The following PRSS3 variants were observed in gnomAD, a reference collection of about 807,000 sequenced individuals.
PRSS3 encodes the protein trypsin-3.
Under a neutral mutation model 20.8 loss-of-function variants are expected in PRSS3, and 14 were observed. The ratio of observed to expected loss-of-function variants is 0.67; its 90% confidence interval spans 0.44 to 1.05. The LOEUF is 1.05. Ranked by LOEUF, PRSS3 falls within the 50% of genes least tolerant of loss-of-function variation. PRSS3 has a pLI of 0.00. For synonymous variants in PRSS3, 91 were observed against 117.6 expected (o/e 0.77, Z 1.46); for missense variants, 237 against 306.4 (o/e 0.77, Z 1.69).
chr9:33,768,356 T>G (rs1823536900), intron 1 of PRSS3, among the ~76,000 whole-genome samples: 1 of 151,508 alleles, frequency 6.6e-6, no homozygotes, highest in Admixed American at 6.6e-5. Flanking sequence ...GGCATGTGCC[T>G]GTAATCCCAG....
chr9:33,767,893 C>T lies in PRSS3; in HGVS notation c.-53+17166C>T, dbSNP rs185039203. Among the ~76,000 whole-genome samples the T allele has an allele frequency of 4.8e-3, 737 of 152,254 alleles. 5 individuals are homozygous for T. The highest frequency in any genetic ancestry group is 6.2e-3 in the Non-Finnish European group (423 of 68,030). On this transcript the variant is annotated intron_variant, in intron 1 of 5. Coordinates refer to the PRSS3 transcript ENST00000342836. ...ACCATCTGAAGACACAGGGTGAAAG[C>T]GGTCATCTGCAAGCCCAGGAGAGAG...
intron 1 of PRSS3, among the ~76,000 whole-genome samples, chr9:33,772,133 A>G (rs563937643): frequency 1.3e-5 from 2 of 151,930 alleles, no homozygotes; most frequent in African/African-American, 4.8e-5. Flanking sequence ...CAGCCTCCCA[A>G]TGTGCTGGGA....
chr9:33,770,696 G>A (rs1823646554), intron 1 of PRSS3, among the ~76,000 whole-genome samples: 2 of 152,222 alleles, frequency 1.3e-5, no homozygotes, highest in South Asian at 4.1e-4. Flanking sequence ...ACAAGAGGAT[G>A]ACTATGTGAG....
At chr9:33,753,329 A>C (rs1563954303) in intron 1 of PRSS3, among the ~76,000 whole-genome samples, 1 of 152,230 alleles carries the variant, frequency 6.6e-6, no homozygotes, top group Non-Finnish European at 1.5e-5. Context: ...TGTCAAGTCC[A>C]ATCTTGTGGT....
chr9:33,794,715 G>T, upstream of PRSS3: 1 of 1,530,088 alleles, frequency 6.5e-7, no homozygotes, highest in Non-Finnish European at 8.8e-7. Flanking sequence ...GCCCTGAGCA[G>T]GTGAGTCAGT....
chr9:33,755,726 T>C (rs1822910725), intron 1 of PRSS3, among the ~76,000 whole-genome samples: 1 of 152,194 alleles, frequency 6.6e-6, no homozygotes, highest in African/African-American at 2.4e-5. Context: ...TAGTTGTTTG[T>C]TTGAGAACTC....
intron 1 of PRSS3, among the ~76,000 whole-genome samples, chr9:33,766,162 G>A (rs1823402953): frequency 6.6e-6 from 1 of 151,080 alleles, no homozygotes; most frequent in Non-Finnish European, 1.5e-5. Context: ...CTACTCGGGA[G>A]GCTGAGGCAG....
chr9:33,768,723 G>C (rs1181376913), intron 1 of PRSS3, among the ~76,000 whole-genome samples: 1 of 152,060 alleles, frequency 6.6e-6, no homozygotes, highest in Admixed American at 6.6e-5. Context: ...AGGTGTGGTG[G>C]CATGCACCTG....
chr9:33,787,569 G>A (rs186490929), intron 1 of PRSS3, among the ~76,000 whole-genome samples: 13 of 152,266 alleles, frequency 8.5e-5, no homozygotes, highest in East Asian at 1.9e-4. Context: ...ACTCTATTCC[G>A]TTTACTATGT....
intron 1 of PRSS3, among the ~76,000 whole-genome samples, chr9:33,771,789 C>A (rs1823718398): frequency 6.7e-6 from 1 of 149,928 alleles, no homozygotes; most frequent in South Asian, 2.1e-4. Flanking sequence ...TTTTTCTTTT[C>A]TTTTCTTTTC....
At chr9:33,785,239 G>A (rs1306290766) in intron 1 of PRSS3, among the ~76,000 whole-genome samples, 3 of 127,056 alleles carry the variant, frequency 2.4e-5, no homozygotes, top group African/African-American at 6.2e-5. Flanking sequence ...GTGCAGTGGC[G>A]CAATCTTGGC....
At chr9:33,773,542 C>T (rs1018863918) in intron 1 of PRSS3, among the ~76,000 whole-genome samples, 2 of 152,126 alleles carry the variant, frequency 1.3e-5, no homozygotes, top group Non-Finnish European at 2.9e-5. Context: ...TTCAATCCTC[C>T]CCTCACACTC....
At chr9:33,753,359 G>T (rs952253189) in intron 1 of PRSS3, among the ~76,000 whole-genome samples, 1 of 152,066 alleles carries the variant, frequency 6.6e-6, no homozygotes, top group Non-Finnish European at 1.5e-5. Context: ...AAAAAAAACG[G>T]ATTTAAAAAA....
chr9:33,786,282 G>A, intron 1 of PRSS3: 1 of 567,526 alleles, frequency 1.8e-6, no homozygotes. Context: ...AGGAGTCTGG[G>A]GTTAATGTTA....
chr9:33,798,345 C>T, intron 3 of PRSS3, 141 bp from the exon 4 acceptor site: 2 of 1,379,716 alleles, frequency 1.4e-6, no homozygotes, highest in East Asian at 2.3e-5. Context: ...AACTAAAAGC[C>T]AGAGTCCCTT....
chr9:33,751,073 C>G (rs1365291459), intron 1 of PRSS3, among the ~76,000 whole-genome samples: 2 of 152,162 alleles, frequency 1.3e-5, no homozygotes, highest in African/African-American at 4.8e-5. Flanking sequence ...CAGTCCCCCG[C>G]GAGTCAGGTC....
Position 33,798,067 on chromosome 9 carries a change from A to T in PRSS3, c.439A>T (p.Thr147Ser), listed in dbSNP as rs1825099790. ...GTGCCTCATCTCCGGCTGGGGCAAC[A>T]CTCTGAGCTTTGGTGGTGAGTGGGA... is the stretch of plus-strand genomic sequence containing the variant. Reference protein sequence around the residue: ...TECLISGWGNTLSFGADYPDE... With the variant: ...TECLISGWGNSLSFGADYPDE... The change falls in exon 3 of 5, where the codon ACT becomes TCT. Residue 147 changes from threonine (T) to serine (S), a missense_variant. Coordinates refer to ENST00000379405, the MANE Select transcript of PRSS3 (RefSeq NM_002771.4). 1 of 1,614,048 alleles carries T rather than the reference A, an allele frequency of 6.2e-7. No individual in the cohort carries two copies. Among genetic ancestry groups the T allele is most frequent in the Admixed American group, 1.7e-5 (1 of 60,000 alleles).
intron 1 of PRSS3, among the ~76,000 whole-genome samples, chr9:33,775,756 G>A (rs1265551242): frequency 6.8e-6 from 1 of 147,464 alleles, no homozygotes; most frequent in African/African-American, 2.5e-5. Flanking sequence ...AGGCTGGAGT[G>A]CAGTGGCACG....
chr9:33,785,160 A>ATTTTTTTTTTTTTTTT lies in PRSS3; in HGVS notation c.-52-9566_-52-9551dup, dbSNP rs74180504. Among the ~76,000 whole-genome samples, 65 of 72,482 alleles carry ATTTTTTTTTTTTTTTT rather than the reference A, an allele frequency of 9.0e-4. 6 individuals are homozygous for ATTTTTTTTTTTTTTTT. Among genetic ancestry groups the ATTTTTTTTTTTTTTTT allele is most frequent in the African/African-American group, 2.3e-3 (30 of 13,318 alleles). The allele number at this position is 72,482 out of a possible 152,430, so 47.6% of individuals were successfully genotyped here. A position where few individuals can be genotyped will look rare whatever the true frequency, so the allele number is the denominator to read the frequency against. On this transcript the variant is annotated intron_variant, in intron 1 of 5. Transcript: ENST00000342836. Reference sequence around the variant, plus strand: ...GAAAAAGATCATAGCATTGTGGTCAATTTTTTTTTTTTTTTTTTTTTTTTT... The same window carrying ATTTTTTTTTTTTTTTT: ...GAAAAAGATCATAGCATTGTGGTCAATTTTTTTTTTTTTTTTTTTTTTTTTTTTTTTTTTTTTTTTT...
Sources: gnomAD v4.1 joint callset for allele counts (sites outside exome capture counted in the v4.1 genomes callset) on GRCh38, gnomAD v4.1.1 for gene constraint, MANE v1.5 for transcripts, NCBI Gene and HGNC (gene_info 2026-07-23, HGNC 2026-07-21) for gene names.